The following ATP2B1 variants were observed in gnomAD, a reference collection of about 807,000 sequenced individuals.
The protein encoded by ATP2B1 is ATPase plasma membrane Ca2+ transporting 1, also known as plasma membrane calcium-transporting ATPase 1.
In ATP2B1, 14 loss-of-function variants were observed where a neutral mutation model predicts 124.2. The observed-to-expected ratio is 0.11, with a 90% CI of 0.07 to 0.18. The LOEUF is 0.18. Among genes scored for constraint, ATP2B1 ranks in the 10% least tolerant of loss-of-function variants. ATP2B1 has a pLI of 1.00. For synonymous variants in ATP2B1, 449 were observed against 492.4 expected, an observed-to-expected ratio of 0.91 and a Z score of 1.17; for missense variants, 763 against 1,466.1, an observed-to-expected ratio of 0.52 and a Z score of 7.83.
chr12:89,610,576 C>T, intron 13 of ATP2B1, 68 bp from the exon 14 acceptor site: 1 of 1,260,256 alleles, frequency 7.9e-7, no homozygotes, highest in Non-Finnish European at 1.2e-6. Context: ...AGCTATCTGG[C>T]ATATTTATCA....
At chr12:89,630,798 T>G in intron 5 of ATP2B1, 153 bp from the exon 6 acceptor site, 1 of 173,808 alleles carries the variant, frequency 5.8e-6, no homozygotes, top group Non-Finnish European at 1.1e-5. Context: ...TATATATTTT[T>G]AAGTCAGGGT....
chr12:89,707,277 G>A (rs1892579675), intron 1 of ATP2B1, among the ~76,000 whole-genome samples: 1 of 152,188 alleles, frequency 6.6e-6, no homozygotes, highest in African/African-American at 2.4e-5. Context: ...CCCTCTGCCA[G>A]ATGAGAGCCT....
At chr12:89,634,544 C>T (rs1312579915) in intron 5 of ATP2B1, among the ~76,000 whole-genome samples, 1 of 152,142 alleles carries the variant, frequency 6.6e-6, no homozygotes, top group African/African-American at 2.4e-5. Flanking sequence ...AATCTCAAAT[C>T]TCTTGATTTT....
At chr12:89,622,425 TTCTC>T (rs1014330689) in intron 9 of ATP2B1, among the ~76,000 whole-genome samples, 16 of 152,050 alleles carry the variant, frequency 1.1e-4, no homozygotes, top group African/African-American at 3.6e-4. Context: ...TCTCACTTCT[TTCTC>T]TCATTTACAA....
At chr12:89,687,700 T>C (rs1890118935) in intron 1 of ATP2B1, among the ~76,000 whole-genome samples, 1 of 152,140 alleles carries the variant, frequency 6.6e-6, no homozygotes, top group Non-Finnish European at 1.5e-5. Flanking sequence ...AGAAAGATAC[T>C]AATATTTTGG....
chr12:89,622,008 C>T (rs1392854180), intron 9 of ATP2B1, among the ~76,000 whole-genome samples: 1 of 151,652 alleles, frequency 6.6e-6, no homozygotes. Context: ...TCTGGGGTTT[C>T]AATCATTTTA....
intron 1 of ATP2B1, among the ~76,000 whole-genome samples, chr12:89,683,082 C>T (rs1248904146): frequency 6.6e-6 from 1 of 152,158 alleles, no homozygotes; most frequent in Non-Finnish European, 1.5e-5. Flanking sequence ...TTCAACTTCA[C>T]TCAAAAGAGA....
rs550965988 is a variant in ATP2B1 at position 89,663,553 on chromosome 12, C to A, written c.-221-7446G>T. Among the ~76,000 whole-genome samples the A allele has an allele frequency of 1.8e-4, 27 of 152,076 alleles. No homozygotes were observed. In the East Asian group the frequency reaches 5.2e-3, roughly 29 times the overall value. ...TAAATAATAATGAATACAATCTTAC[C>A]CAGTAAATACCATTTGGTAAAAAAA... is the stretch of plus-strand genomic sequence containing the variant. On this transcript the variant is annotated intron_variant, in intron 1 of 20. Transcript: ENST00000428670.
At chr12:89,609,898 G>A in intron 15 of ATP2B1, 39 bp downstream of exon 15, 2 of 1,568,376 alleles carry the variant, frequency 1.3e-6, no homozygotes, top group East Asian at 4.5e-5. Flanking sequence ...AAACCAGTCA[G>A]TAAATTACGT....
chr12:89,699,514 C>T (rs1489829085), intron 1 of ATP2B1, among the ~76,000 whole-genome samples: 5 of 152,120 alleles, frequency 3.3e-5, no homozygotes, highest in Non-Finnish European at 2.9e-5. Flanking sequence ...AGCGGGTAAC[C>T]TGTTTTTGCT....
In ATP2B1 at chr12:89,626,583, G is replaced by C; in HGVS notation, c.1000C>G (p.Gln334Glu). The stretch of plus-strand genomic sequence containing the variant: ...CCACCTTCTTCACTCTTCAATGGCT[G>C]CATTTCCATGGCTGCACCATCCTGG... ...KAQDGAAMEM[Q>E]PLKSEEGGDG... is the part of the protein sequence containing the mutation. Residue 334 changes from glutamine to glutamate, a missense_variant, in exon 8 of 21, where the codon CAG (glutamine) becomes GAG (glutamate). Coordinates refer to ENST00000428670, the MANE Select transcript of ATP2B1 (RefSeq NM_001366521.1). 4 of 1,611,490 alleles carry C rather than the reference G, an allele frequency of 2.5e-6. No homozygotes were observed. The South Asian group carries it at 4.4e-5, about 18-fold the overall frequency.
Position 89,655,810 on chromosome 12 carries a change from T to G in ATP2B1, c.77A>C (p.Asp26Ala). ...NSLKEANHDGDFGITLAELRA... is the reference protein window; with the variant it reads ...NSLKEANHDGAFGITLAELRA... The stretch of plus-strand genomic sequence containing the variant: ...CAGCTCTGCGAGCGTAATTCCAAAG[T>G]CTCCATCATGATTAGCTTCCTTCAA... The change falls in exon 2 of 21, where the codon GAC becomes GCC. Residue 26 changes from aspartate to alanine, a missense_variant. By Grantham distance (126) the Asp-to-Ala change is moderately radical. Coordinates refer to ENST00000428670, the MANE Select transcript of ATP2B1 (RefSeq NM_001366521.1). 5.0e-6 allele frequency: 8 copies of G among 1,614,128 alleles called. No homozygotes were observed. The highest frequency in any genetic ancestry group is 6.8e-6 in the Non-Finnish European group (8 of 1,179,984).
intron 1 of ATP2B1, among the ~76,000 whole-genome samples, chr12:89,675,449 T>C (rs1481721493): frequency 6.6e-6 from 1 of 152,182 alleles, no homozygotes; most frequent in Admixed American, 6.6e-5. Context: ...ATTACTGTAG[T>C]TCCTCAATCT....
intron 15 of ATP2B1, among the ~76,000 whole-genome samples, chr12:89,607,862 T>G (rs1435586127): frequency 2.6e-5 from 4 of 152,186 alleles, no homozygotes; most frequent in Admixed American, 2.6e-4. Flanking sequence ...CACAGTTGGT[T>G]GATTCTGCGG....
chr12:89,608,784 TG>T (rs1322477512), intron 15 of ATP2B1, among the ~76,000 whole-genome samples: 1 of 152,210 alleles, frequency 6.6e-6, no homozygotes, highest in African/African-American at 2.4e-5. Context: ...AGTGATCCTA[TG>T]TTCCTAAAGG....
chr12:89,627,640 A>C, intron 7 of ATP2B1, 38 bp downstream of exon 7: 1 of 1,605,508 alleles, frequency 6.2e-7, no homozygotes, highest in Non-Finnish European at 8.5e-7. Context: ...GGATATAATG[A>C]AAACAAGCTC....
At chr12:89,680,902 CG>C (rs897246958) in intron 1 of ATP2B1, among the ~76,000 whole-genome samples, 3 of 152,112 alleles carry the variant, frequency 2.0e-5, no homozygotes, top group Non-Finnish European at 2.9e-5. Flanking sequence ...AAGATAACCA[CG>C]GAACAGCATT....
chr12:89,609,864 C>G, intron 15 of ATP2B1, 73 bp downstream of exon 15: 6 of 1,365,434 alleles, frequency 4.4e-6, no homozygotes, highest in Non-Finnish European at 6.2e-6. Context: ...GTAATTTAGT[C>G]AACAAACAAA....
At position 89,621,802 on chromosome 12, in the gene ATP2B1, CAAA is replaced by C. The variant is rs35089871; in HGVS notation, c.1345-14_1345-12del. 2.5e-6 allele frequency: 3 copies of C among 1,194,940 alleles called. No individual in the cohort carries two copies. Among genetic ancestry groups the C allele is most frequent in the Admixed American group, 2.8e-5 (1 of 35,410 alleles). 74.0% of individuals were successfully genotyped at this position (1,194,940 alleles called of 1,614,324 possible). A position where few individuals can be genotyped will look rare whatever the true frequency, so the allele number is the denominator to read the frequency against. On this transcript the variant is annotated splice_polypyrimidine_tract_variant and intron_variant, in intron 9 of 20. Transcript: ENST00000428670. ...ATCTTTCATCATTTTCTACAGTGAC[CAAA>C]AAAAAAAAACTAGTTAAGCTGCATA...
Sources: gnomAD v4.1 joint callset for allele counts (sites outside exome capture counted in the v4.1 genomes callset) on GRCh38, gnomAD v4.1.1 for gene constraint, MANE v1.5 for transcripts, NCBI Gene and HGNC (gene_info 2026-07-23, HGNC 2026-07-21) for gene names.